MIGA1: variants seen among roughly 807,000 people sequenced by gnomAD.
MIGA1 encodes the protein family with sequence similarity 73, member A.
A neutral mutation model predicts 82.0 loss-of-function variants in MIGA1; 58 were observed. That is an observed-to-expected ratio of 0.71 (90% CI 0.57 to 0.88). The LOEUF (loss-of-function observed/expected upper bound fraction) is 0.88, where lower values mean the gene tolerates loss of function less well. MIGA1 is among the 40% of genes least tolerant of loss of function. The probability of loss-of-function intolerance (pLI) is 0.00; values close to 1 mark genes in which losing one functional copy is unlikely to be tolerated. For missense variants in MIGA1, 751 were observed against 749.1 expected (o/e 1.00, Z -0.03); for synonymous variants, 249 against 253.6 (o/e 0.98, Z 0.17).
intron 7 of MIGA1, among the ~76,000 whole-genome samples, chr1:77,836,734 C>G (rs1436268429): frequency 1.3e-5 from 2 of 152,122 alleles, no homozygotes; most frequent in African/African-American, 4.8e-5. Context: ...CACGCTTTTA[C>G]CCATTACATT....
Position 77,792,691 on chromosome 1 carries a change from C to T in MIGA1, c.196-8640C>T, listed in dbSNP as rs568663952. Among the ~76,000 whole-genome samples, 3 of 151,236 alleles carry T rather than the reference C, an allele frequency of 2.0e-5. No individual in the cohort carries two copies. The South Asian group carries it at 6.2e-4, about 31-fold the overall frequency. ...ATTGGCTAATGATGTTGAACATCTT[C>T]TTGGGTTTGTGTGTGTTTGCCATCT... On this transcript the variant is annotated intron_variant, in intron 2 of 15. Transcript: ENST00000370791.
At chr1:77,835,932 A>T (rs113019361) in intron 7 of MIGA1, among the ~76,000 whole-genome samples, 4 of 152,110 alleles carry the variant, frequency 2.6e-5, no homozygotes, top group African/African-American at 9.7e-5. Flanking sequence ...TGGGCAACAG[A>T]GCGAGACTCT....
chr1:77,875,333 T>C lies in MIGA1; in HGVS notation c.*269T>C. On this transcript the variant is annotated 3_prime_UTR_variant, in exon 16 of 16. Coordinates refer to ENST00000370791, the MANE Select transcript of MIGA1 (RefSeq NM_198549.4). The stretch of plus-strand genomic sequence containing the variant: ...TATTTTACAGAAATATCGCTTGAAT[T>C]GAAGCCAATATTTGGGAGTTAATTG... The C allele has an allele frequency of 3.0e-6, 1 of 329,796 alleles. No individual in the cohort carries two copies. 20.4% of individuals were successfully genotyped at this position (329,796 alleles called of 1,614,324 possible).
intron 7 of MIGA1, among the ~76,000 whole-genome samples, chr1:77,815,661 A>C (rs1466579840): frequency 1.3e-5 from 2 of 152,250 alleles, no homozygotes; most frequent in African/African-American, 4.8e-5. Context: ...CAGTACATAC[A>C]TCGTTATGGG....
At chr1:77,827,349 C>T (rs1282792177) in intron 7 of MIGA1, among the ~76,000 whole-genome samples, 1 of 152,102 alleles carries the variant, frequency 6.6e-6, no homozygotes, top group Non-Finnish European at 1.5e-5. Flanking sequence ...TGACTCACGC[C>T]TGTAGTCTCA....
chr1:77,869,394 T>G (rs1486723855), intron 14 of MIGA1, among the ~76,000 whole-genome samples: 1 of 149,750 alleles, frequency 6.7e-6, no homozygotes, highest in African/African-American at 2.5e-5. Context: ...TCCCCACTCT[T>G]CCTGCCTTTC....
At chr1:77,823,151 C>G (rs1457836655) in intron 7 of MIGA1, among the ~76,000 whole-genome samples, 1 of 151,990 alleles carries the variant, frequency 6.6e-6, no homozygotes, top group Non-Finnish European at 1.5e-5. Flanking sequence ...CAGCATGATT[C>G]TTTCAGCATT....
intron 7 of MIGA1, among the ~76,000 whole-genome samples, chr1:77,823,855 G>A (rs372995280): frequency 3.3e-4 from 50 of 152,300 alleles, no homozygotes; most frequent in African/African-American, 1.2e-3. Context: ...TCTAAACTCT[G>A]TTTCTCTGTT....
chr1:77,857,609 G>C lies in MIGA1; in HGVS notation c.997-1329G>C, dbSNP rs184903499. Among the ~76,000 whole-genome samples, 381 of 151,810 alleles carry C rather than the reference G, an allele frequency of 2.5e-3. 2 individuals are homozygous for C. The highest frequency in any genetic ancestry group is 9.0e-3 in the African/African-American group (373 of 41,410). ...GCAGGAGGATCACTTGAGCCCAGGA[G>C]TTTGAGGCCGCAGAGTTATGATTGT... is the stretch of plus-strand genomic sequence containing the variant. On this transcript the variant is annotated intron_variant, in intron 8 of 15. Coordinates refer to ENST00000370791, the MANE Select transcript of MIGA1 (RefSeq NM_198549.4).
At position 77,874,971 on chromosome 1, in the gene MIGA1, T is replaced by G; in HGVS notation, c.1806T>G (p.Tyr602Ter). The G allele has an allele frequency of 6.2e-7, 1 of 1,614,138 alleles. No homozygotes were observed. Among genetic ancestry groups the G allele is most frequent in the Non-Finnish European group, 8.5e-7 (1 of 1,180,010 alleles). The change falls in exon 16 of 16, where the codon TAT becomes TAG. Residue 602 changes from tyrosine (Y) to a stop codon, truncating the protein, a stop_gained. Transcript: ENST00000370791. LOFTEE classifies it high-confidence loss of function. Reference sequence around the variant, plus strand: ...GCCGCACTGAGCTTTTAATGGCCTATCTTGAAGCAGATGCCCTGAGGCATA... The same window carrying G: ...GCCGCACTGAGCTTTTAATGGCCTAGCTTGAAGCAGATGCCCTGAGGCATA...
At chr1:77,845,434 A>T (rs1042094551) in intron 8 of MIGA1, among the ~76,000 whole-genome samples, 13 of 152,280 alleles carry the variant, frequency 8.5e-5, no homozygotes, top group African/African-American at 3.1e-4. Context: ...TCTAATATGC[A>T]ACTTTAAAAA....
intron 5 of MIGA1, chr1:77,811,112 T>C (rs1683310201): frequency 3.2e-6 from 5 of 1,585,764 alleles, no homozygotes; most frequent in East Asian, 2.2e-5. Flanking sequence ...TGGAGCTCAA[T>C]GTCCACATTA....
chr1:77,849,450 G>C (rs1322222122), intron 8 of MIGA1, among the ~76,000 whole-genome samples: 1 of 152,074 alleles, frequency 6.6e-6, no homozygotes, highest in African/African-American at 2.4e-5. Flanking sequence ...TGTTGGTTTT[G>C]TTGCACGAGC....
At chr1:77,789,591 G>A (rs1235818624) in intron 2 of MIGA1, among the ~76,000 whole-genome samples, 2 of 152,030 alleles carry the variant, frequency 1.3e-5, no homozygotes, top group African/African-American at 4.8e-5. Context: ...ATCAATGAAA[G>A]TTTTTTAAAA....
At chr1:77,783,815 A>G (rs1682025209) in intron 2 of MIGA1, among the ~76,000 whole-genome samples, 1 of 152,220 alleles carries the variant, frequency 6.6e-6, no homozygotes, top group Non-Finnish European at 1.5e-5. Flanking sequence ...ACAACTGTTT[A>G]TCAACATCTT....
intron 2 of MIGA1, among the ~76,000 whole-genome samples, chr1:77,794,194 A>G (rs958967896): frequency 4.6e-5 from 7 of 152,216 alleles, no homozygotes; most frequent in African/African-American, 1.7e-4. Flanking sequence ...AATGTCTGTT[A>G]TAACTCTAAT....
intron 2 of MIGA1, among the ~76,000 whole-genome samples, chr1:77,790,216 C>G (rs1682355576): frequency 6.6e-6 from 1 of 152,232 alleles, no homozygotes; most frequent in Admixed American, 6.5e-5. Flanking sequence ...CAGCCTCTAT[C>G]AAGATCCAGA....
chr1:77,817,955 ATTTTTTT>A (rs10676009), intron 7 of MIGA1, among the ~76,000 whole-genome samples: 13 of 115,608 alleles, frequency 1.1e-4, no homozygotes, highest in Admixed American at 1.9e-4. Flanking sequence ...AGATTGGAAG[ATTTTTTT>A]TTTTTTTTTT....
intron 7 of MIGA1, among the ~76,000 whole-genome samples, chr1:77,825,482 A>T (rs549907763): frequency 6.6e-5 from 10 of 152,196 alleles, no homozygotes; most frequent in Non-Finnish European, 1.3e-4. Context: ...TACATGTTGG[A>T]TGCCTGTGAC....
Sources: gnomAD v4.1 joint callset for allele counts (sites outside exome capture counted in the v4.1 genomes callset) on GRCh38, gnomAD v4.1.1 for gene constraint, MANE v1.5 for transcripts, NCBI Gene and HGNC (gene_info 2026-07-23, HGNC 2026-07-21) for gene names.